The following STK33 variants were observed in gnomAD, a reference collection of about 807,000 sequenced individuals.
STK33 encodes the protein serine/threonine-protein kinase 33.
STK33 carries 52 observed loss-of-function variants against 58.0 expected under a neutral mutation model. That is an observed-to-expected ratio of 0.90 (90% CI 0.72 to 1.13). The LOEUF is 1.13. STK33 is among the 50% of genes most tolerant of loss of function. STK33 has a pLI of 0.00. For synonymous variants in STK33, 215 were observed against 200.1 expected (o/e 1.07, Z -0.63); for missense variants, 630 against 604.2 (o/e 1.04, Z -0.45).
intron 9 of STK33, among the ~76,000 whole-genome samples, chr11:8,456,237 G>C (rs77525378): frequency 0.013 from 2,004 of 152,242 alleles, 51 homozygotes; most frequent in African/African-American, 0.046. Flanking sequence ...TGCCTAGAAA[G>C]CCTGCCTTTT....
At chr11:8,339,031 A>G in the STK33 span, among the ~76,000 whole-genome samples, 1 of 152,156 alleles carries the variant, frequency 6.6e-6, no homozygotes, top group Non-Finnish European at 1.5e-5. Flanking sequence ...GAAAATCCCC[A>G]TGCATCGGCT....
At chr11:8,369,673 A>C in the STK33 span, among the ~76,000 whole-genome samples, 389 of 152,240 alleles carry the variant, frequency 2.6e-3, 5 homozygotes, top group African/African-American at 8.9e-3. Context: ...GCCGGAGCTT[A>C]GCAGGCCTGA....
At chr11:8,357,961 G>A in the STK33 span, among the ~76,000 whole-genome samples, 4 of 152,244 alleles carry the variant, frequency 2.6e-5, no homozygotes, top group Admixed American at 2.6e-4. Context: ...CGACTCTGAA[G>A]TTTGGTTTAA....
intron 15 of STK33, among the ~76,000 whole-genome samples, chr11:8,401,650 T>G (rs992581398): frequency 6.6e-6 from 1 of 152,070 alleles, no homozygotes; most frequent in Non-Finnish European, 1.5e-5. Context: ...AGCTTCTGCA[T>G]AGCAAAAGAA....
rs562763178 is a variant in STK33 at position 8,392,444 on chromosome 11, T to C, written c.*66A>G. 1 of 1,584,162 alleles carries C rather than the reference T, an allele frequency of 6.3e-7. No individual in the cohort carries two copies. Among genetic ancestry groups the C allele is most frequent in the East Asian group, 2.2e-5 (1 of 44,744 alleles). Reference sequence around the variant, plus strand: ...GCATAGGGCTGTCTTCTTCCCCTCCTACCCCCTCATCAAAGTGCTAACAAG... The same window carrying C: ...GCATAGGGCTGTCTTCTTCCCCTCCCACCCCCTCATCAAAGTGCTAACAAG... On this transcript the variant is annotated 3_prime_UTR_variant, in exon 16 of 16. Transcript: ENST00000687296.
At chr11:8,556,819 C>A (rs572963615) in intron 1 of STK33, among the ~76,000 whole-genome samples, 20 of 152,158 alleles carry the variant, frequency 1.3e-4, no homozygotes, top group Non-Finnish European at 2.5e-4. Context: ...ACATATTAGG[C>A]ACCTAACAAA....
At chr11:8,453,523 A>C (rs949908681) in intron 10 of STK33, among the ~76,000 whole-genome samples, 1 of 152,192 alleles carries the variant, frequency 6.6e-6, no homozygotes, top group African/African-American at 2.4e-5. Flanking sequence ...AACCACAACA[A>C]CAAGTATTAA....
At chr11:8,566,275 T>C (rs1565379955) in intron 1 of STK33, among the ~76,000 whole-genome samples, 2 of 152,214 alleles carry the variant, frequency 1.3e-5, no homozygotes, top group Non-Finnish European at 1.5e-5. Context: ...CTCCTTGTTA[T>C]CTCCAAAACG....
intron 6 of STK33, 26 bp downstream of exon 6, chr11:8,473,137 A>T (rs1358754574): frequency 1.4e-6 from 2 of 1,464,528 alleles, no homozygotes; most frequent in African/African-American, 2.8e-5. Flanking sequence ...GAAAGTTCAC[A>T]GTAGCTTCAT....
intron 1 of STK33, among the ~76,000 whole-genome samples, chr11:8,518,455 T>C (rs1591588489): frequency 6.6e-6 from 1 of 152,174 alleles, no homozygotes; most frequent in East Asian, 1.9e-4. Flanking sequence ...AATAACCAGC[T>C]AACATCATAA....
chr11:8,407,061 G>T (rs1434372132), intron 15 of STK33, among the ~76,000 whole-genome samples: 1 of 151,644 alleles, frequency 6.6e-6, no homozygotes, highest in African/African-American at 2.4e-5. Context: ...TCATGTTTGA[G>T]TGTTGAATTT....
chr11:8,383,393 T>G, the STK33 span, among the ~76,000 whole-genome samples: 1 of 152,164 alleles, frequency 6.6e-6, no homozygotes, highest in Non-Finnish European at 1.5e-5. Flanking sequence ...AGAGTGGAAT[T>G]CATCTGCCTT....
At chr11:8,347,920 G>T in the STK33 span, among the ~76,000 whole-genome samples, 1 of 152,158 alleles carries the variant, frequency 6.6e-6, no homozygotes, top group Non-Finnish European at 1.5e-5. Flanking sequence ...ACCTTCCCCT[G>T]CCATTTCTAA....
chr11:8,514,162 T>C (rs936119080), intron 1 of STK33, among the ~76,000 whole-genome samples: 1 of 152,242 alleles, frequency 6.6e-6, no homozygotes, highest in East Asian at 1.9e-4. Context: ...TTCTTCTATA[T>C]GGCTGAATAG....
At chr11:8,458,887 A>G (rs1303520030) in intron 8 of STK33, among the ~76,000 whole-genome samples, 1 of 152,246 alleles carries the variant, frequency 6.6e-6, no homozygotes, top group Non-Finnish European at 1.5e-5. Flanking sequence ...ATCAGTAAGT[A>G]TGAAAACAGG....
At chr11:8,405,032 G>A (rs1265973813) in intron 15 of STK33, among the ~76,000 whole-genome samples, 1 of 152,124 alleles carries the variant, frequency 6.6e-6, no homozygotes, top group Non-Finnish European at 1.5e-5. Flanking sequence ...CAGCTACCCA[G>A]GAGGCTGAGG....
downstream of STK33, among the ~76,000 whole-genome samples, chr11:8,390,592 C>T (rs915254514): frequency 1.3e-5 from 2 of 152,198 alleles, no homozygotes. Flanking sequence ...TGTGGAAATT[C>T]TCTCTAGAAA....
At chr11:8,583,429 A>C (rs1302692355) in intron 1 of STK33, among the ~76,000 whole-genome samples, 1 of 152,240 alleles carries the variant, frequency 6.6e-6, no homozygotes, top group Non-Finnish European at 1.5e-5. Flanking sequence ...GGAAAGGATC[A>C]AACTCAAGAA....
chr11:8,422,031 A>C (rs891696923), intron 14 of STK33, among the ~76,000 whole-genome samples: 1 of 152,122 alleles, frequency 6.6e-6, no homozygotes, highest in Non-Finnish European at 1.5e-5. Context: ...CAGTTGACTA[A>C]GATCAGCAAT....
Sources: allele counts gnomAD v4.1 joint callset (sites outside exome capture counted in the v4.1 genomes callset), GRCh38; gene constraint gnomAD v4.1.1; transcripts MANE v1.5; gene names NCBI Gene and HGNC (gene_info 2026-07-23, HGNC 2026-07-21).